Variants in FMN1 observed in about 807,000 individuals in gnomAD.
FMN1 encodes the protein formin-1.
Under a neutral mutation model 132.4 loss-of-function variants are expected in FMN1, and 110 were observed. The ratio of observed to expected loss-of-function variants is 0.83; its 90% CI spans 0.71 to 0.97. The LOEUF (loss-of-function observed/expected upper bound fraction) is 0.97. Ranked by LOEUF, FMN1 falls within the 50% of genes least tolerant of loss-of-function variation. The pLI is 0.00. For missense variants in FMN1, 1,792 were observed against 1,705.3 expected (o/e 1.05, Z -0.90); for synonymous variants, 722 against 651.7 (o/e 1.11, Z -1.64).
chr15:33,116,589 AT>A (rs2039935352), intron 4 of FMN1, among the ~76,000 whole-genome samples: 2 of 151,522 alleles, frequency 1.3e-5, no homozygotes, highest in African/African-American at 4.9e-5. Context: ...TTTTTTTTTA[AT>A]TTTTTAACAC....
intron 17 of FMN1, among the ~76,000 whole-genome samples, chr15:32,815,995 G>A (rs898734608): frequency 9.2e-5 from 14 of 152,208 alleles, no homozygotes; most frequent in African/African-American, 3.1e-4. Context: ...TTCGACAGCT[G>A]TAGTAATTAA....
intron 4 of FMN1, among the ~76,000 whole-genome samples, chr15:33,146,960 G>A (rs1406060804): frequency 1.3e-5 from 2 of 152,154 alleles, no homozygotes; most frequent in Admixed American, 1.3e-4. Flanking sequence ...AGATCACGAG[G>A]TCAGGAGTTC....
chr15:33,012,554 G>C lies in FMN1; in HGVS notation c.2162-4479C>G, dbSNP rs1301774261. On this transcript the variant is annotated intron_variant, in intron 6 of 20. Transcript: ENST00000616417. ...GACCGAGGCAGTGGCAAGAAAAGGG[G>C]CTTTGCCTTTGTAACCTTTGACAAC... is the stretch of plus-strand genomic sequence containing the variant. The C allele has an allele frequency of 2.6e-6, 4 of 1,524,398 alleles. No homozygotes were observed. The African/African-American group carries it at 5.4e-5, about 21-fold the overall frequency. The allele number at this position is 1,524,398 out of a possible 1,614,324, so 94.4% of individuals were successfully genotyped here.
intron 7 of FMN1, among the ~76,000 whole-genome samples, chr15:32,978,434 C>T (rs1207962156): frequency 6.6e-6 from 1 of 152,182 alleles, no homozygotes; most frequent in African/African-American, 2.4e-5. Flanking sequence ...GGATATATAT[C>T]CATGGAAATG....
chr15:33,041,229 C>T (rs576011615), intron 6 of FMN1, among the ~76,000 whole-genome samples: 3 of 151,564 alleles, frequency 2.0e-5, no homozygotes, highest in African/African-American at 4.8e-5. Context: ...GTGAAGAATA[C>T]TTTGAAGCCT....
chr15:32,940,520 A>C (rs1056944143), intron 9 of FMN1, among the ~76,000 whole-genome samples: 1 of 152,080 alleles, frequency 6.6e-6, no homozygotes. Context: ...TCAGTAACTT[A>C]AAAGAGTTTG....
intron 17 of FMN1, among the ~76,000 whole-genome samples, chr15:32,841,940 G>A (rs746062412): frequency 1.2e-4 from 18 of 152,126 alleles, no homozygotes; most frequent in Non-Finnish European, 2.2e-4. Context: ...TCCAGATATC[G>A]AGAGACACAA....
Position 33,177,555 on chromosome 15 carries a change from C to G in FMN1, c.-132+2643G>C, listed in dbSNP as rs544757717. Among the ~76,000 whole-genome samples, 12 of 152,294 alleles carry G rather than the reference C, an allele frequency of 7.9e-5. No homozygotes were observed. In the East Asian group the frequency reaches 1.9e-3, roughly 24 times the overall value. On this transcript the variant is annotated intron_variant, in intron 3 of 20. Transcript: ENST00000616417. The stretch of plus-strand genomic sequence containing the variant: ...CTTACAGTGCAATTCCATAGTCCCC[C>G]CTGCAAAGAAATGAAACCCACTCAC...
chr15:32,787,861 T>G (rs111703763), intron 19 of FMN1, among the ~76,000 whole-genome samples: 5,561 of 152,226 alleles, frequency 0.037, 233 homozygotes, highest in African/African-American at 0.095. Flanking sequence ...AAAAAAAAGT[T>G]ATTCCATGAT....
rs1158822818 is a variant in FMN1 at position 32,774,021 on chromosome 15, A to T, written c.*289T>A. The T allele has an allele frequency of 2.4e-6, 1 of 414,646 alleles. No individual in the cohort carries two copies. Among genetic ancestry groups the T allele is most frequent in the Non-Finnish European group, 4.2e-6 (1 of 236,098 alleles). The allele number at this position is 414,646 out of a possible 1,614,324, so 25.7% of individuals were successfully genotyped here. A position where few individuals can be genotyped will look rare whatever the true frequency, so the allele number is the denominator to read the frequency against. On this transcript the variant is annotated 3_prime_UTR_variant, in exon 21 of 21. Transcript: ENST00000616417. ...CAGCTTTTAAAAAAATTTTGGAAAC[A>T]TTTTGGTATTTCTTCTGCTCTTAGA... is the stretch of plus-strand genomic sequence containing the variant.
intron 20 of FMN1, among the ~76,000 whole-genome samples, chr15:32,776,220 A>G (rs1387089928): frequency 1.3e-5 from 2 of 152,222 alleles, no homozygotes; most frequent in Non-Finnish European, 2.9e-5. Flanking sequence ...CTAACCATGT[A>G]GCTATTCTGA....
intron 6 of FMN1, chr15:33,064,023 G>C (rs1595385159): frequency 1.3e-5 from 2 of 152,178 alleles, no homozygotes; most frequent in East Asian, 3.8e-4. Context: ...ATGAAAGCTA[G>C]AAATCATCTC....
At chr15:33,016,170 A>G (rs1261498304) in intron 6 of FMN1, among the ~76,000 whole-genome samples, 1 of 152,264 alleles carries the variant, frequency 6.6e-6, no homozygotes, top group Non-Finnish European at 1.5e-5. Flanking sequence ...TCAAATTTCA[A>G]GAAGCTGGTG....
At chr15:32,865,836 CA>C (rs59592154) in intron 16 of FMN1, among the ~76,000 whole-genome samples, 17,460 of 106,814 alleles carry the variant, frequency 0.16, 2,970 homozygotes, top group African/African-American at 0.45. Context: ...AACTCCACCT[CA>C]AAAAAAAAAA....
chr15:33,150,701 T>C, intron 4 of FMN1: 4 of 985,544 alleles, frequency 4.1e-6, no homozygotes, highest in Non-Finnish European at 4.8e-6. Context: ...TGATTACTTT[T>C]GCCAGACTTA....
intron 6 of FMN1, among the ~76,000 whole-genome samples, chr15:33,047,059 T>C (rs766444422): frequency 7.9e-5 from 12 of 152,246 alleles, no homozygotes; most frequent in African/African-American, 1.2e-4. Context: ...CCTTGGGAAC[T>C]TGATCTTGTA....
intron 9 of FMN1, among the ~76,000 whole-genome samples, chr15:32,961,414 A>C (rs545452518): frequency 6.6e-6 from 1 of 152,286 alleles, no homozygotes; most frequent in Admixed American, 6.5e-5. Context: ...GATTATAGGC[A>C]TGAGCCACCG....
At chr15:32,827,598 C>G (rs1393754915) in intron 17 of FMN1, among the ~76,000 whole-genome samples, 1 of 152,156 alleles carries the variant, frequency 6.6e-6, no homozygotes, top group African/African-American at 2.4e-5. Context: ...TGCCTGTAAT[C>G]CCAGCACTCT....
At chr15:32,792,926 T>A (rs1424553963) in intron 19 of FMN1, among the ~76,000 whole-genome samples, 1 of 152,188 alleles carries the variant, frequency 6.6e-6, no homozygotes, top group Non-Finnish European at 1.5e-5. Flanking sequence ...TTGTTATACA[T>A]GAGGAAAATT....
Sources: gnomAD v4.1 joint callset for allele counts (sites outside exome capture counted in the v4.1 genomes callset) on GRCh38, gnomAD v4.1.1 for gene constraint, MANE v1.5 for transcripts, NCBI Gene and HGNC (gene_info 2026-07-23, HGNC 2026-07-21) for gene names.